Variants in DNER observed in about 807,000 individuals in gnomAD.
DNER encodes delta and Notch-like epidermal growth factor-related receptor.
A neutral mutation model predicts 78.2 loss-of-function variants in DNER; 33 were observed. That is an observed-to-expected ratio of 0.42 (90% CI 0.32 to 0.56). DNER has a LOEUF of 0.56. Among genes scored for constraint, DNER ranks in the 20% least tolerant of loss-of-function variants. DNER has a pLI of 0.11. For synonymous variants in DNER, 417 were observed against 384.8 expected, an observed-to-expected ratio of 1.08 and a Z score of -0.98; for missense variants, 918 against 975.3, an observed-to-expected ratio of 0.94 and a Z score of 0.78.
chr2:229,627,973 G>A (rs756296913), intron 1 of DNER, among the ~76,000 whole-genome samples: 1 of 152,200 alleles, frequency 6.6e-6, no homozygotes, highest in African/African-American at 2.4e-5. Context: ...CCAATCAGGA[G>A]GTAGAGTCCT....
chr2:229,379,205 T>A (rs563503484), intron 11 of DNER, among the ~76,000 whole-genome samples: 1 of 152,294 alleles, frequency 6.6e-6, no homozygotes, highest in Non-Finnish European at 1.5e-5. Flanking sequence ...TAATCCTTCC[T>A]GGGAGTAGCT....
At position 229,552,734 on chromosome 2, in the gene DNER, A is replaced by G. The variant is rs536377453; in HGVS notation, c.848-5642T>C. 1.8e-4 allele frequency among the ~76,000 whole-genome samples: 27 copies of G among 152,280 alleles called. No homozygotes were observed. The East Asian group carries it at 4.6e-3, about 26-fold the overall frequency. On this transcript the variant is annotated intron_variant, in intron 4 of 12. Coordinates refer to ENST00000341772, the MANE Select transcript of DNER (RefSeq NM_139072.4). ...CTTTACAAATTACCCAGTCTTGGGT[A>G]TGTCTTTGTAGCGGTGTGAAAACTG...
intron 8 of DNER, among the ~76,000 whole-genome samples, chr2:229,445,998 A>T (rs1017872172): frequency 2.0e-5 from 3 of 152,218 alleles, no homozygotes; most frequent in African/African-American, 4.8e-5. Context: ...TAACTTGTTG[A>T]GTTATTCGTT....
intron 1 of DNER, among the ~76,000 whole-genome samples, chr2:229,619,938 T>C (rs1367819512): frequency 6.6e-6 from 1 of 152,224 alleles, no homozygotes; most frequent in Non-Finnish European, 1.5e-5. Context: ...TATTCCATCC[T>C]CACCTTTGTT....
At chr2:229,378,676 T>C (rs2106331275) in intron 11 of DNER, among the ~76,000 whole-genome samples, 1 of 152,274 alleles carries the variant, frequency 6.6e-6, no homozygotes, top group Middle Eastern at 3.4e-3. Flanking sequence ...CTTTGAGATA[T>C]CCAGGCATCC....
chr2:229,693,325 C>T lies in DNER; in HGVS notation c.276+20823G>A, dbSNP rs1004828521. On this transcript the variant is annotated intron_variant, in intron 1 of 12. Transcript: ENST00000341772. ...CCCTGCAAAACTGAGTTAATTAAAC[C>T]TCTTTCCTTTATAAATTACTCAGTC... Among the ~76,000 whole-genome samples the T allele has an allele frequency of 5.3e-5, 8 of 152,038 alleles. No individual in the cohort carries two copies. In the East Asian group the frequency reaches 1.2e-3, roughly 22 times the overall value.
intron 8 of DNER, among the ~76,000 whole-genome samples, chr2:229,421,750 GC>G (rs1373932436): frequency 6.6e-6 from 1 of 151,672 alleles, no homozygotes; most frequent in Non-Finnish European, 1.5e-5. Flanking sequence ...AATATGAGAA[GC>G]TTTTTGAGGT....
chr2:229,593,650 C>T (rs6724241), intron 1 of DNER, among the ~76,000 whole-genome samples: 131,527 of 152,252 alleles, frequency 0.86, 58,645 homozygotes, highest in East Asian at 0.98. Flanking sequence ...GAAAGCAACA[C>T]GTGATGAGGG....
chr2:229,398,022 T>C (rs1693187363), intron 10 of DNER, among the ~76,000 whole-genome samples: 2 of 151,348 alleles, frequency 1.3e-5, no homozygotes, highest in African/African-American at 4.9e-5. Flanking sequence ...ATCATAGACA[T>C]AAGAGAAGAA....
At chr2:229,666,342 G>A (rs1347563959) in intron 1 of DNER, among the ~76,000 whole-genome samples, 1 of 152,022 alleles carries the variant, frequency 6.6e-6, no homozygotes, top group Non-Finnish European at 1.5e-5. Context: ...ATCTGATATG[G>A]CTCATTATAA....
rs557051278 is a variant in DNER at position 229,705,080 on chromosome 2, A to G, written c.276+9068T>C. Among the ~76,000 whole-genome samples, 26 of 152,266 alleles carry G rather than the reference A, an allele frequency of 1.7e-4. No individual in the cohort carries two copies. In the South Asian group the frequency reaches 4.6e-3, roughly 27 times the overall value. On this transcript the variant is annotated intron_variant, in intron 1 of 12. Transcript: ENST00000341772. ...GGGATACTAGGAGTAATGGTAATTC[A>G]GCCATCCTCCACTCAGCCCCCATCA... is the stretch of plus-strand genomic sequence containing the variant.
At chr2:229,452,078 G>C (rs750352932) in intron 7 of DNER, among the ~76,000 whole-genome samples, 1 of 152,142 alleles carries the variant, frequency 6.6e-6, no homozygotes, top group Non-Finnish European at 1.5e-5. Context: ...GGTCTTATAT[G>C]TTACACTTGG....
Position 229,358,780 on chromosome 2 carries a change from A to G in DNER, c.2103-129T>C, listed in dbSNP as rs909614875. 94 of 732,554 alleles carry G rather than the reference A, an allele frequency of 1.3e-4. No individual in the cohort carries two copies. The Middle Eastern group carries it at 2.4e-3, about 19-fold the overall frequency. 45.4% of individuals were successfully genotyped at this position (732,554 alleles called of 1,614,324 possible). On this transcript the variant is annotated intron_variant, in intron 12 of 12. Transcript: ENST00000341772. ...TAAAAACATATTCTATAGCAAGCATAGAAACTTTAGACATCCTAATATTAA... is the reference window on the plus strand; with the variant it reads ...TAAAAACATATTCTATAGCAAGCATGGAAACTTTAGACATCCTAATATTAA...
At chr2:229,441,421 C>T (rs1188622620) in intron 8 of DNER, among the ~76,000 whole-genome samples, 1 of 152,132 alleles carries the variant, frequency 6.6e-6, no homozygotes, top group Non-Finnish European at 1.5e-5. Flanking sequence ...GTTAGAGAGA[C>T]TGCACGCCAT....
intron 6 of DNER, among the ~76,000 whole-genome samples, chr2:229,512,307 C>A (rs1695879200): frequency 6.8e-6 from 1 of 147,994 alleles, no homozygotes; most frequent in Non-Finnish European, 1.5e-5. Context: ...CACTGGAGCC[C>A]AGGAGGCAGA....
intron 5 of DNER, among the ~76,000 whole-genome samples, chr2:229,541,531 G>A (rs1192058381): frequency 6.6e-6 from 1 of 152,062 alleles, no homozygotes; most frequent in African/African-American, 2.4e-5. Flanking sequence ...ACTGCTCAAG[G>A]TCATTGCCAA....
In DNER at chr2:229,509,676, T is replaced by A. The variant is rs116801353; in HGVS notation, c.1147+3107A>T. On this transcript the variant is annotated intron_variant, in intron 6 of 12. Transcript: ENST00000341772. The stretch of plus-strand genomic sequence containing the variant: ...TAAAAGTACAAAAATTACCCGGGCA[T>A]GGTAGTGGGTGCCTGTAATCCCTGC... Among the ~76,000 whole-genome samples the A allele has an allele frequency of 3.5e-3, 540 of 152,242 alleles. 6 individuals carry two copies. The highest frequency in any genetic ancestry group is 0.012 in the African/African-American group (514 of 41,560).
intron 5 of DNER, among the ~76,000 whole-genome samples, chr2:229,515,826 G>C (rs1294375459): frequency 6.6e-6 from 1 of 151,952 alleles, no homozygotes; most frequent in Non-Finnish European, 1.5e-5. Flanking sequence ...ATTTTTAGTA[G>C]AGACAGGGTT....
intron 1 of DNER, among the ~76,000 whole-genome samples, chr2:229,626,861 T>C (rs1426621972): frequency 6.6e-6 from 1 of 152,208 alleles, no homozygotes; most frequent in Non-Finnish European, 1.5e-5. Context: ...AAATGCCTGT[T>C]TGAAAATAAA....
Sources: gnomAD v4.1 joint callset for allele counts (sites outside exome capture counted in the v4.1 genomes callset) on GRCh38, gnomAD v4.1.1 for gene constraint, MANE v1.5 for transcripts, NCBI Gene and HGNC (gene_info 2026-07-23, HGNC 2026-07-21) for gene names.